DNAH6: variants seen among roughly 807,000 people sequenced by gnomAD.
DNAH6 encodes the protein axonemal beta dynein heavy chain 6.
A neutral mutation model predicts 491.4 loss-of-function variants in DNAH6; 340 were observed. The observed-to-expected ratio is 0.69, with a 90% CI of 0.63 to 0.76. The LOEUF (loss-of-function observed/expected upper bound fraction) is 0.76. DNAH6 is among the 30% of genes least tolerant of loss of function. DNAH6 has a pLI of 0.00. For synonymous variants in DNAH6, 1,603 were observed against 1,686.1 expected (o/e 0.95, Z 1.21); for missense variants, 4,443 against 4,972.2 (o/e 0.89, Z 3.20).
At chr2:84,718,432 G>T (rs1176367933) in intron 59 of DNAH6, 48 bp downstream of exon 59, 1 of 1,424,924 alleles carries the variant, frequency 7.0e-7, no homozygotes, top group East Asian at 2.7e-5. Context: ...TACTTCAAAA[G>T]TTATAACTAC....
At chr2:84,800,298 A>G (rs997241972) in intron 70 of DNAH6, among the ~76,000 whole-genome samples, 1 of 152,236 alleles carries the variant, frequency 6.6e-6, no homozygotes, top group Non-Finnish European at 1.5e-5. Flanking sequence ...AGAGGCATCA[A>G]TTCCTTCAGA....
intron 62 of DNAH6, among the ~76,000 whole-genome samples, chr2:84,738,815 G>A (rs1672248056): frequency 1.3e-5 from 2 of 152,096 alleles, no homozygotes; most frequent in Admixed American, 1.3e-4. Flanking sequence ...TTTAAGTTGA[G>A]CATTTAGGCC....
Position 84,550,026 on chromosome 2 carries a change from C to T in DNAH6, c.1454C>T (p.Thr485Ile). 1 of 1,613,410 alleles carries T rather than the reference C, an allele frequency of 6.2e-7. No homozygotes were observed. Among genetic ancestry groups the T allele is most frequent in the Non-Finnish European group, 8.5e-7 (1 of 1,179,822 alleles). The part of the protein sequence containing the change: ...PSADVIQKWI[T>I]EEKPEVPDKK... ...GCAGATGTCATTCAGAAATGGATTA[C>T]TGAAGAGAAGCCTGAAGTCCCTGAT... The change falls in exon 9 of 77, where the codon ACT becomes ATT. Residue 485 changes from threonine to isoleucine, a missense_variant. Physicochemically the swap from Thr to Ile is moderately conservative, Grantham distance 89 (BLOSUM62 -1). Coordinates refer to ENST00000389394, the MANE Select transcript of DNAH6 (RefSeq NM_001370.2).
In DNAH6 at chr2:84,530,536, A is replaced by G. The variant is rs539997740; in HGVS notation, c.662+1370A>G. Among the ~76,000 whole-genome samples, 5 of 152,326 alleles carry G rather than the reference A, an allele frequency of 3.3e-5. No homozygotes were observed. In the East Asian group the frequency reaches 5.8e-4, roughly 18 times the overall value. ...ATCGTGCAAGACCTTGTTGGCTACA[A>G]CAATGGAGAACCATGGAAGGATTTT... On this transcript the variant is annotated intron_variant, in intron 4 of 76. Coordinates refer to ENST00000389394, the MANE Select transcript of DNAH6 (RefSeq NM_001370.2).
rs1402738442 is a variant in DNAH6, at chr2:84,617,015, A to G, written c.3572+33A>G. Reference sequence around the variant, plus strand: ...TATAAAGCAACCTAAGATATTTTTTAGTAGTTATGACTGTCAATCAAGTTG... The same window carrying G: ...TATAAAGCAACCTAAGATATTTTTTGGTAGTTATGACTGTCAATCAAGTTG... On this transcript the variant is annotated intron_variant, in intron 23 of 76. Transcript: ENST00000389394. The G allele has an allele frequency of 1.5e-5, 18 of 1,216,314 alleles. No individual in the cohort carries two copies. The East Asian group carries it at 3.6e-4, about 24-fold the overall frequency. 75.3% of individuals were successfully genotyped at this position (1,216,314 alleles called of 1,614,324 possible).
At chr2:84,597,574 G>A (rs1000091788) in intron 18 of DNAH6, among the ~76,000 whole-genome samples, 1 of 152,304 alleles carries the variant, frequency 6.6e-6, no homozygotes, top group Non-Finnish European at 1.5e-5. Context: ...GTTAAATATA[G>A]ACCTACCATA....
At chr2:84,488,488 G>A in the DNAH6 span, among the ~76,000 whole-genome samples, 1 of 152,124 alleles carries the variant, frequency 6.6e-6, no homozygotes, top group African/African-American at 2.4e-5. Context: ...CCCTTCTGGA[G>A]GCTCTAGGAG....
At chr2:84,541,711 G>A (rs931889765) in intron 4 of DNAH6, among the ~76,000 whole-genome samples, 8 of 152,096 alleles carry the variant, frequency 5.3e-5, no homozygotes, top group Non-Finnish European at 1.0e-4. Context: ...AAACAATCAG[G>A]GGGAAAAAAC....
chr2:84,670,534 A>T, intron 39 of DNAH6, 59 bp downstream of exon 39: 1 of 1,124,006 alleles, frequency 8.9e-7, no homozygotes, highest in Non-Finnish European at 1.3e-6. Context: ...AATAAATGAC[A>T]TAAATAGTGC....
the DNAH6 span, among the ~76,000 whole-genome samples, chr2:84,473,990 C>A: frequency 3.9e-5 from 6 of 152,180 alleles, no homozygotes; most frequent in African/African-American, 1.4e-4. Context: ...ATTTAGCATG[C>A]CTTGGGGTAG....
At chr2:84,513,952 A>C (rs537678716), upstream of DNAH6, among the ~76,000 whole-genome samples, 1 of 152,272 alleles carries the variant, frequency 6.6e-6, no homozygotes, top group East Asian at 1.9e-4. Context: ...TTCCTAGTCC[A>C]ACCTATTACT....
rs150757375 is a variant in DNAH6 at position 84,774,489 on chromosome 2, G to T, written c.10704-7004G>T. ...TAGCCTTATAGTACAGTTTGGAGTT[G>T]GGTAATATAATGCCCCAGCTTTGTT... On this transcript the variant is annotated intron_variant, in intron 64 of 76. Transcript: ENST00000389394. 5.3e-5 allele frequency among the ~76,000 whole-genome samples: 8 copies of T among 152,008 alleles called. No homozygotes were observed. The East Asian group carries it at 1.5e-3, about 29-fold the overall frequency.
intron 31 of DNAH6, among the ~76,000 whole-genome samples, chr2:84,638,978 C>T (rs1191609057): frequency 2.6e-5 from 4 of 152,254 alleles, no homozygotes; most frequent in South Asian, 4.1e-4. Flanking sequence ...CAGCACCAAG[C>T]CATGAGGGAT....
At chr2:84,698,626 T>G (rs1344437930) in intron 47 of DNAH6, among the ~76,000 whole-genome samples, 1 of 152,088 alleles carries the variant, frequency 6.6e-6, no homozygotes, top group African/African-American at 2.4e-5. Flanking sequence ...AAATAATAGC[T>G]CCAGGATAGT....
chr2:84,553,033 T>C lies in DNAH6; in HGVS notation c.1601T>C (p.Leu534Pro). 1 of 1,567,376 alleles carries C rather than the reference T, an allele frequency of 6.4e-7. No individual in the cohort carries two copies. Among genetic ancestry groups the C allele is most frequent in the Non-Finnish European group, 8.7e-7 (1 of 1,146,804 alleles). ...LLFEPSLEDF[L>P]DGILGAVNHC... ...TTTGAGCCTTCTCTGGAAGACTTTC[T>C]GGTGTGTGTTTTTCATGTATTATCC... The change falls in exon 10 of 77, where the codon CTG (leucine) becomes CCG (proline). Residue 534 changes from leucine (L) to proline (P), a missense_variant and splice_region_variant. Transcript: ENST00000389394.
the DNAH6 span, among the ~76,000 whole-genome samples, chr2:84,499,609 AC>A: frequency 2.6e-5 from 4 of 152,264 alleles, no homozygotes; most frequent in South Asian, 4.1e-4. Context: ...TTTTTGAGGA[AC>A]CTCCAAACAG....
At chr2:84,461,220 C>G in the DNAH6 span, among the ~76,000 whole-genome samples, 1 of 152,176 alleles carries the variant, frequency 6.6e-6, no homozygotes, top group Non-Finnish European at 1.5e-5. Flanking sequence ...TGCACACTTA[C>G]AAGTAAACAT....
intron 4 of DNAH6, among the ~76,000 whole-genome samples, chr2:84,529,373 C>A (rs151216687): frequency 3.5e-4 from 53 of 152,116 alleles, no homozygotes; most frequent in African/African-American, 1.2e-3. Context: ...ATCTTACCTG[C>A]ACTACTGAGC....
chr2:84,492,969 G>A, the DNAH6 span, among the ~76,000 whole-genome samples: 7 of 152,080 alleles, frequency 4.6e-5, no homozygotes, highest in Non-Finnish European at 5.9e-5. Context: ...ACTTTATCTT[G>A]ACATGGTGAC....
Sources: allele counts gnomAD v4.1 joint callset (sites outside exome capture counted in the v4.1 genomes callset), GRCh38; gene constraint gnomAD v4.1.1; transcripts MANE v1.5; gene names NCBI Gene and HGNC (gene_info 2026-07-23, HGNC 2026-07-21).